Variants in MORC4 observed in about 807,000 individuals in gnomAD.
The protein encoded by MORC4 is MORC family CW-type zinc finger 4.
MORC4 carries 22 observed loss-of-function variants against 65.5 expected under a neutral mutation model. The ratio of observed to expected loss-of-function variants is 0.34; its 90% confidence interval spans 0.24 to 0.48. MORC4 has a LOEUF of 0.48. Among genes scored for constraint, MORC4 ranks in the 20% least tolerant of loss-of-function variants. The probability of loss-of-function intolerance (pLI) is 0.99; values close to 1 mark genes in which losing one functional copy is unlikely to be tolerated. For synonymous variants in MORC4, 267 were observed against 255.8 expected (o/e 1.04, Z -0.42); for missense variants, 624 against 703.0 (o/e 0.89, Z 1.27).
At chrX:106,954,674 TAAAA>T (rs1220119073) in intron 14 of MORC4, among the ~76,000 whole-genome samples, 1 of 112,308 alleles carries the variant, frequency 8.9e-6, no homozygotes, top group African/African-American at 3.2e-5. Flanking sequence ...ACATGATACA[TAAAA>T]AGAGTATCAG....
chrX:106,966,646 T>C (rs918740931), intron 9 of MORC4, among the ~76,000 whole-genome samples: 3 of 113,174 alleles, frequency 2.7e-5, no homozygotes, highest in African/African-American at 9.6e-5. Flanking sequence ...TGTGTCTGGC[T>C]TGGTGGATGC....
At chrX:106,963,109 C>T (rs1432956076) in intron 9 of MORC4, among the ~76,000 whole-genome samples, 1 of 111,900 alleles carries the variant, frequency 8.9e-6, no homozygotes, top group Non-Finnish European at 1.9e-5. Context: ...TATGTTCCTA[C>T]TCTATGTCTA....
intron 5 of MORC4, among the ~76,000 whole-genome samples, chrX:106,984,006 A>T (rs1934803777): frequency 1.8e-5 from 2 of 112,216 alleles, no homozygotes; most frequent in Admixed American, 1.9e-4. Context: ...ACTTAAAAAA[A>T]TGCCTATTGG....
At chrX:106,970,850 T>C (rs1190803033) in intron 9 of MORC4, among the ~76,000 whole-genome samples, 3 of 111,966 alleles carry the variant, frequency 2.7e-5, no homozygotes, top group African/African-American at 9.7e-5. Context: ...TCCATGCTCA[T>C]GGATAGGAAG....
At chrX:106,983,972 G>A (rs955009558) in intron 5 of MORC4, among the ~76,000 whole-genome samples, 3 of 111,177 alleles carry the variant, frequency 2.7e-5, no homozygotes, top group Non-Finnish European at 3.8e-5. Context: ...TTGTCTAATA[G>A]GTAAAATAAC....
At position 106,941,550 on chromosome X, in the gene MORC4, T is replaced by C. The variant is rs201132616; in HGVS notation, c.2743A>G (p.Ile915Val). ...SVLPHLELRE[I>V]GYDSEQVDGI... ...TCCACTTGTTCTGAGTCATACCCGA[T>C]CTCACGAAGCTCCAAGTGAGGGAGG... Residue 915 changes from isoleucine (I) to valine (V), a missense_variant, in exon 17 of 17, where the codon ATC becomes GTC. Physicochemically the swap from Ile to Val is conservative, Grantham distance 29. Coordinates refer to ENST00000355610, the MANE Select transcript of MORC4 (RefSeq NM_024657.5). 2.3e-5 allele frequency: 28 copies of C among 1,207,765 alleles called. No homozygotes were observed. The East Asian group carries it at 7.1e-4, about 31-fold the overall frequency.
rs1934732130 is a variant in MORC4, at chrX:106,981,105, T to TATACCAGCATAGATACCA, written c.808-87_808-86insTGGTATCTATGCTGGTAT. On this transcript the variant is annotated intron_variant, in intron 6 of 16. Coordinates refer to ENST00000355610, the MANE Select transcript of MORC4 (RefSeq NM_024657.5). Reference sequence around the variant, plus strand: ...CCCATAAAACACTGCTACCAACTGATATCTATGCTGGGCAAAGATTTGGCT... The same window carrying TATACCAGCATAGATACCA: ...CCCATAAAACACTGCTACCAACTGATATACCAGCATAGATACCAATCTATGCTGGGCAAAGATTTGGCT... The TATACCAGCATAGATACCA allele has an allele frequency of 2.7e-6, 3 of 1,091,298 alleles. No individual in the cohort carries two copies. The Admixed American group carries it at 7.1e-5, about 26-fold the overall frequency. The allele number at this position is 1,091,298 out of a possible 1,213,427, so 89.9% of individuals were successfully genotyped here.
At chrX:106,978,250 A>C (rs1934666828) in intron 7 of MORC4, 51 bp from the exon 8 acceptor site, 1 of 1,142,175 alleles carries the variant, frequency 8.8e-7, no homozygotes, top group Admixed American at 2.6e-5. Flanking sequence ...TTCAACGACA[A>C]AATTTTACAC....
intron 15 of MORC4, 143 bp downstream of exon 15, chrX:106,942,372 T>C: frequency 1.2e-6 from 1 of 869,010 alleles, no homozygotes; most frequent in Non-Finnish European, 1.6e-6. Flanking sequence ...CTACTACAGT[T>C]ACTCTATCTG....
At chrX:106,996,890 C>A (rs1385309271) in intron 2 of MORC4, among the ~76,000 whole-genome samples, 1 of 112,125 alleles carries the variant, frequency 8.9e-6, no homozygotes, top group Non-Finnish European at 1.9e-5. Flanking sequence ...CCATGACAGC[C>A]TCCCAGGAGA....
At position 106,951,949 on chromosome X, in the gene MORC4, T is replaced by C. The variant is rs1480124597; in HGVS notation, c.1685+2964A>G. 1.0e-4 allele frequency among the ~76,000 whole-genome samples: 9 copies of C among 89,414 alleles called. No individual in the cohort carries two copies. In the East Asian group the frequency reaches 2.0e-3, roughly 20 times the overall value. 77.6% of individuals were successfully genotyped at this position (89,414 alleles called of 115,157 possible). On this transcript the variant is annotated intron_variant, in intron 14 of 16. Transcript: ENST00000355610. ...AGGTGGAGGTTGCAGTGAGCCGAGA[T>C]TGCGCCACTGCACTCCAGCCTGGGT...
At chrX:106,966,280 C>A (rs112696714) in intron 9 of MORC4, among the ~76,000 whole-genome samples, 1 of 112,328 alleles carries the variant, frequency 8.9e-6, no homozygotes, top group Non-Finnish European at 1.9e-5. Context: ...AGCATTCAGT[C>A]ACACAAACTA....
At chrX:106,966,774 G>A (rs1313646482) in intron 9 of MORC4, among the ~76,000 whole-genome samples, 1 of 112,565 alleles carries the variant, frequency 8.9e-6, no homozygotes, top group Non-Finnish European at 1.9e-5. Flanking sequence ...GTGGTTCTAT[G>A]TTCACAGTGT....
intron 10 of MORC4, among the ~76,000 whole-genome samples, chrX:106,960,998 C>T (rs1454518976): frequency 8.9e-6 from 1 of 112,069 alleles, no homozygotes; most frequent in Non-Finnish European, 1.9e-5. Context: ...TGTTGGCACA[C>T]ATTCGATCCT....
At chrX:106,999,042 G>C (rs960321007) in intron 2 of MORC4, among the ~76,000 whole-genome samples, 1 of 111,894 alleles carries the variant, frequency 8.9e-6, no homozygotes, top group African/African-American at 3.3e-5. Flanking sequence ...TGGTGTAATT[G>C]GCTTGAAGGG....
chrX:106,980,842 C>T (rs1313216621), intron 7 of MORC4, 49 bp downstream of exon 7: 1 of 1,141,947 alleles, frequency 8.8e-7, no homozygotes, highest in Admixed American at 2.6e-5. Context: ...AAAACTTAAT[C>T]CTGAAATAAA....
At chrX:106,954,650 A>G in intron 14 of MORC4, among the ~76,000 whole-genome samples, 1 of 112,318 alleles carries the variant, frequency 8.9e-6, no homozygotes, top group East Asian at 2.8e-4. Flanking sequence ...CACAATTCCC[A>G]ATATAATGTG....
chrX:106,975,331 C>G (rs1258416221), intron 9 of MORC4, among the ~76,000 whole-genome samples: 1 of 111,125 alleles, frequency 9.0e-6, no homozygotes, highest in African/African-American at 3.3e-5. Context: ...GAGTTAAGTC[C>G]TGGTCAAAGA....
Position 106,981,442 on chromosome X carries a change from G to A in MORC4, c.710C>T (p.Thr237Ile). 2 of 1,195,934 alleles carry A rather than the reference G, an allele frequency of 1.7e-6. No individual in the cohort carries two copies. Among genetic ancestry groups the A allele is most frequent in the East Asian group, 6.0e-5 (2 of 33,448 alleles). Residue 237 changes from threonine (T) to isoleucine (I), a missense_variant, in exon 6 of 17, where the codon ACA (threonine) becomes ATA (isoleucine). Thr to Ile is a moderately conservative substitution (Grantham distance 89). Transcript: ENST00000355610. ...KNGKSELDFD[T>I]DQYDILVSDF... ...TGATACCAGGATGTCATATTGATCT[G>A]TATCAAAGTCCAACTCAGATTTTCC...
Sources: gnomAD v4.1 joint callset for allele counts (sites outside exome capture counted in the v4.1 genomes callset) on GRCh38, gnomAD v4.1.1 for gene constraint, MANE v1.5 for transcripts, NCBI Gene and HGNC (gene_info 2026-07-23, HGNC 2026-07-21) for gene names.